SH3TC1: variants seen among roughly 807,000 people sequenced by gnomAD.
SH3TC1 encodes SH3 domain and tetratricopeptide repeat-containing protein 1.
A neutral mutation model predicts 117.3 loss-of-function variants in SH3TC1; 135 were observed. That is an observed-to-expected ratio of 1.15 (90% CI 1.00 to 1.33). The LOEUF is 1.33. SH3TC1 is among the 40% of genes most tolerant of loss of function. The probability of loss-of-function intolerance (pLI) is 0.00; values close to 1 mark genes in which losing one functional copy is unlikely to be tolerated. For synonymous variants in SH3TC1, 898 were observed against 816.9 expected (o/e 1.10, Z -1.69); for missense variants, 2,092 against 1,794.3 (o/e 1.17, Z -3.00).
At chr4:8,226,046 A>G (rs907394132) in intron 11 of SH3TC1, among the ~76,000 whole-genome samples, 2 of 152,142 alleles carry the variant, frequency 1.3e-5, no homozygotes, top group African/African-American at 2.4e-5. Flanking sequence ...CCTCTAAATC[A>G]TATGTAATTT....
At position 8,227,539 on chromosome 4, in the gene SH3TC1, G is replaced by C; in HGVS notation, c.1845G>C (p.Lys615Asn). Residue 615 changes from lysine to asparagine, a missense_variant, in exon 12 of 18, where the codon AAG (lysine) becomes AAC (asparagine). Coordinates refer to ENST00000245105, the MANE Select transcript of SH3TC1 (RefSeq NM_018986.5). ...TGGCCAGCATTTACCGGAAGCAGAA[G>C]AACCGGGAGAAGTGTGCACAGGTGG... ...ANLASIYRKQKNREKCAQVVP... is the reference protein window; with the variant it reads ...ANLASIYRKQNNREKCAQVVP... 1.3e-6 allele frequency: 2 copies of C among 1,531,364 alleles called. No homozygotes were observed. The highest frequency in any genetic ancestry group is 2.3e-5 in the East Asian group (1 of 44,328). The allele number at this position is 1,531,364 out of a possible 1,614,324, so 94.9% of individuals were successfully genotyped here.
rs1449331006 is a variant in SH3TC1, at chr4:8,186,162, C to A, written c.-57+3952C>A. ...TCAAGCGGGGTTTAATTAACAGCAG[C>A]TGCTGGCGGAGGGGCTGGGGCCAGC... On this transcript the variant is annotated intron_variant, in intron 1 of 16. Transcript: ENST00000508641. This position sits in a 1 kb window ranked among gnomAD's most constrained non-coding sequence, Gnocchi z 5.2. Among the ~76,000 whole-genome samples the A allele has an allele frequency of 2.0e-5, 3 of 152,184 alleles. No homozygotes were observed. Among genetic ancestry groups the A allele is most frequent in the Non-Finnish European group, 4.4e-5 (3 of 68,034 alleles).
chr4:8,235,571 G>T lies in SH3TC1; in HGVS notation c.3405+16G>T. 6.3e-7 allele frequency: 1 copy of T among 1,579,318 alleles called. No individual in the cohort carries two copies. Among genetic ancestry groups the T allele is most frequent in the Non-Finnish European group, 8.6e-7 (1 of 1,160,562 alleles). On this transcript the variant is annotated intron_variant, in intron 15 of 17. Transcript: ENST00000245105. Reference sequence around the variant, plus strand: ...CTTCTACCGGGTGAGCTGGCCTGTGGGCTGATGTGGGTGGGCCCCAGGGGG... The same window carrying T: ...CTTCTACCGGGTGAGCTGGCCTGTGTGCTGATGTGGGTGGGCCCCAGGGGG...
At chr4:8,216,895 G>T (rs1484258199) in intron 6 of SH3TC1, 62 bp from the exon 7 acceptor site, 1 of 1,551,286 alleles carries the variant, frequency 6.4e-7, no homozygotes, top group African/African-American at 1.4e-5. Flanking sequence ...GGGGTGTGGG[G>T]GGCAGGGCCA....
chr4:8,232,037 C>G lies in SH3TC1; in HGVS notation c.3012C>G (p.Ala1004=), dbSNP rs369134230. The G allele has an allele frequency of 5.6e-6, 9 of 1,613,240 alleles. No homozygotes were observed. The African/African-American group carries it at 1.1e-4, about 19-fold the overall frequency. Residue 1004 remains alanine, a synonymous_variant, in exon 13 of 18, where the codon GCC becomes GCG. Coordinates refer to ENST00000245105, the MANE Select transcript of SH3TC1 (RefSeq NM_018986.5). ...HFYSAVMPSE[A]QCVIYHELQL... ...ACAGCGCCGTCATGCCCAGCGAGGC[C>G]CAGTGTGTCATCTACCATGAGCTCC...
At chr4:8,230,414 G>C (rs1304357801) in intron 12 of SH3TC1, among the ~76,000 whole-genome samples, 2 of 152,188 alleles carry the variant, frequency 1.3e-5, no homozygotes, top group African/African-American at 2.4e-5. Flanking sequence ...GGGATGACAG[G>C]CGTGAGCCAT....
rs148941508 is a variant in SH3TC1, at chr4:8,214,567, C to G, written c.468C>G (p.Thr156=). ...KTFEEIWKFS[T]YHALGFTHHC... ...TTGAAGAAATCTGGAAGTTTTCCAC[C>G]TACCATGCTCTCGGTAAAGAGGTGA... The change falls in exon 5 of 18, where the codon ACC becomes ACG. Residue 156 remains threonine (T), a synonymous_variant. Coordinates refer to ENST00000245105, the MANE Select transcript of SH3TC1 (RefSeq NM_018986.5). 21 of 1,613,694 alleles carry G rather than the reference C, an allele frequency of 1.3e-5. No individual in the cohort carries two copies. The African/African-American group carries it at 2.7e-4, about 21-fold the overall frequency.
chr4:8,217,074 C>T lies in SH3TC1; in HGVS notation c.746C>T (p.Ala249Val), dbSNP rs758701705. 1 of 1,612,556 alleles carries T rather than the reference C, an allele frequency of 6.2e-7. No individual in the cohort carries two copies. Residue 249 changes from alanine to valine, a missense_variant, in exon 7 of 18, where the codon GCC (alanine) becomes GTC (valine). Physicochemically the swap from Ala to Val is moderately conservative, Grantham distance 64. Transcript: ENST00000245105. ...QASGAPQGEA[A>V]PETDSSPPSP... ...TCGGGGGCACCCCAGGGAGAGGCGG[C>T]CCCGGAAACAGACTCTTCACCGCCG...
chr4:8,190,281 C>T lies in SH3TC1; in HGVS notation c.-57+8071C>T, dbSNP rs900150607. On this transcript the variant is annotated intron_variant, in intron 1 of 16. Coordinates refer to the SH3TC1 transcript ENST00000508641. This position sits in a 1 kb window ranked among gnomAD's most constrained non-coding sequence, Gnocchi z 4.7. ...AGATGGCTCCCAGCTGGGAGGACTT[C>T]ACTCCTTCGGCGGAGTTGGGGGACT... Among the ~76,000 whole-genome samples, 1 of 152,170 alleles carries T rather than the reference C, an allele frequency of 6.6e-6. No individual in the cohort carries two copies. The highest frequency in any genetic ancestry group is 1.5e-5 in the Non-Finnish European group (1 of 68,012).
intron 15 of SH3TC1, chr4:8,236,042 T>C (rs1332256200): frequency 1.9e-6 from 1 of 533,684 alleles, no homozygotes; most frequent in African/African-American, 2.0e-5. Context: ...AGACCCCTGG[T>C]GCCCAGGCGG....
Position 8,225,151 on chromosome 4 carries a change from T to G in SH3TC1, c.1244-24T>G. 6.2e-7 allele frequency: 1 copy of G among 1,613,576 alleles called. No homozygotes were observed. The highest frequency in any genetic ancestry group is 8.5e-7 in the Non-Finnish European group (1 of 1,179,862). On this transcript the variant is annotated intron_variant, in intron 10 of 17. Coordinates refer to ENST00000245105, the MANE Select transcript of SH3TC1 (RefSeq NM_018986.5). This position sits in a 1 kb window ranked among gnomAD's most constrained non-coding sequence, Gnocchi z 5.5. ...AGAGGTACTGGCTGGGGGTGTTGAT[T>G]GCTTCTCTTTTCTCCCTTGCCAGAC...
chr4:8,185,422 A>G (rs958044446), intron 1 of SH3TC1, among the ~76,000 whole-genome samples: 3 of 152,148 alleles, frequency 2.0e-5, no homozygotes, highest in African/African-American at 7.2e-5. Flanking sequence ...TGTATCTGTC[A>G]TCACAGCATC....
chr4:8,218,121 T>C, intron 7 of SH3TC1, 150 bp from the exon 8 acceptor site: 1 of 525,334 alleles, frequency 1.9e-6, no homozygotes, highest in Non-Finnish European at 3.4e-6. Context: ...CAGGCATGTG[T>C]GTGTGTGTGT....
chr4:8,223,972 A>G (rs1344603397), intron 10 of SH3TC1, among the ~76,000 whole-genome samples: 3 of 152,180 alleles, frequency 2.0e-5, no homozygotes, highest in African/African-American at 4.8e-5. Flanking sequence ...GCACATGTAC[A>G]AACACAGACA....
At chr4:8,208,977 G>A (rs1176263922) in intron 2 of SH3TC1, among the ~76,000 whole-genome samples, 3 of 152,312 alleles carry the variant, frequency 2.0e-5, no homozygotes, top group African/African-American at 4.8e-5. Flanking sequence ...GAGAAACTGC[G>A]CAGGACAGAG....
At chr4:8,237,757 C>G (rs1721957562) in intron 17 of SH3TC1, 87 bp downstream of exon 17, 1 of 1,402,662 alleles carries the variant, frequency 7.1e-7, no homozygotes, top group Non-Finnish European at 9.5e-7. Flanking sequence ...GTGTTCCAGC[C>G]TTCCTTAAGA....
chr4:8,219,070 G>C (rs1488000072), intron 8 of SH3TC1, among the ~76,000 whole-genome samples: 1 of 152,120 alleles, frequency 6.6e-6, no homozygotes, highest in Admixed American at 6.5e-5. Context: ...AAAGAGCCTT[G>C]GCCTTGGAGG....
chr4:8,223,167 G>A (rs902209407), intron 10 of SH3TC1, among the ~76,000 whole-genome samples, 197 bp downstream of exon 10: 3 of 152,252 alleles, frequency 2.0e-5, no homozygotes, highest in African/African-American at 7.2e-5. Flanking sequence ...AGGAGCTGAG[G>A]GCGTGGGAAT....
intron 12 of SH3TC1, among the ~76,000 whole-genome samples, chr4:8,229,710 G>C (rs1479492266): frequency 6.6e-6 from 1 of 151,820 alleles, no homozygotes; most frequent in Admixed American, 6.6e-5. Context: ...AGGAGGAGTG[G>C]GGGGGTTCAG....
Sources: gnomAD v4.1 joint callset for allele counts (sites outside exome capture counted in the v4.1 genomes callset) on GRCh38, gnomAD v4.1.1 for gene constraint, Gnocchi (gnomAD v3.1) non-coding constraint, MANE v1.5 for transcripts, NCBI Gene and HGNC (gene_info 2026-07-23, HGNC 2026-07-21) for gene names.